LRRC4C: variants seen among roughly 807,000 people sequenced by gnomAD.
The protein encoded by LRRC4C is leucine rich repeat containing 4C.
Under a neutral mutation model 33.6 loss-of-function variants are expected in LRRC4C, and 5 were observed. The ratio of observed to expected loss-of-function variants is 0.15; its 90% confidence interval spans 0.08 to 0.31. LRRC4C has a LOEUF of 0.31. Among genes scored for constraint, LRRC4C ranks in the 10% least tolerant of loss-of-function variants. The pLI, the probability that LRRC4C is intolerant of heterozygous loss-of-function variation, is 1.00. For synonymous variants in LRRC4C, 329 were observed against 302.0 expected, an observed-to-expected ratio of 1.09 and a Z score of -0.93; for missense variants, 560 against 796.7, an observed-to-expected ratio of 0.70 and a Z score of 3.58.
intron 3 of LRRC4C, among the ~76,000 whole-genome samples, chr11:40,508,148 A>C (rs1590951164): frequency 6.6e-6 from 1 of 152,238 alleles, no homozygotes; most frequent in South Asian, 2.1e-4. Flanking sequence ...CAATATAATT[A>C]TAAGTATAGA....
At chr11:40,606,464 A>C (rs1046599719) in intron 3 of LRRC4C, among the ~76,000 whole-genome samples, 1 of 152,096 alleles carries the variant, frequency 6.6e-6, no homozygotes, top group African/African-American at 2.4e-5. Context: ...ACACTAGGAG[A>C]GATTTTTTTT....
chr11:40,478,965 T>A (rs1953397583), intron 3 of LRRC4C, among the ~76,000 whole-genome samples: 1 of 152,188 alleles, frequency 6.6e-6, no homozygotes, highest in Admixed American at 6.6e-5. Flanking sequence ...AACTATTAAC[T>A]TTTAAAACAC....
At chr11:40,180,371 A>C (rs760964675) in intron 5 of LRRC4C, among the ~76,000 whole-genome samples, 4 of 152,214 alleles carry the variant, frequency 2.6e-5, no homozygotes, top group Non-Finnish European at 5.9e-5. Flanking sequence ...TTATACCTTT[A>C]GTTTAGAAGC....
chr11:40,206,036 A>G (rs1022285537), intron 5 of LRRC4C, among the ~76,000 whole-genome samples: 2 of 152,164 alleles, frequency 1.3e-5, no homozygotes, highest in African/African-American at 2.4e-5. Context: ...AGAACTATGT[A>G]CTGACAGTAC....
chr11:40,258,421 T>C (rs1369451390), intron 4 of LRRC4C, among the ~76,000 whole-genome samples: 1 of 152,310 alleles, frequency 6.6e-6, no homozygotes, highest in African/African-American at 2.4e-5. Context: ...TCTAATTCTA[T>C]GTATATTGCA....
intron 1 of LRRC4C, among the ~76,000 whole-genome samples, chr11:41,044,138 A>T (rs984688718): frequency 7.9e-5 from 12 of 152,120 alleles, no homozygotes; most frequent in African/African-American, 2.9e-4. Context: ...TCCCAGGAAA[A>T]TCTGAGCTGA....
chr11:40,161,743 C>T (rs1008566322), intron 5 of LRRC4C, among the ~76,000 whole-genome samples: 3 of 151,976 alleles, frequency 2.0e-5, no homozygotes, highest in African/African-American at 4.8e-5. Context: ...GGCAACAGAG[C>T]GAGACTCCTT....
At chr11:40,316,032 A>G (rs576081732) in intron 4 of LRRC4C, among the ~76,000 whole-genome samples, 1 of 152,086 alleles carries the variant, frequency 6.6e-6, no homozygotes, top group Non-Finnish European at 1.5e-5. Flanking sequence ...TATGAATTAG[A>G]TCTAATAACT....
Position 40,945,027 on chromosome 11 carries a change from T to TC in LRRC4C, c.-495-11305_-495-11304insG, listed in dbSNP as rs1423406724. On this transcript the variant is annotated intron_variant, in intron 1 of 6. Transcript: ENST00000528697. Reference sequence around the variant, plus strand: ...GTGTTCAACTTTGCAGTTTTTCTTTTTTTTTTTTTTTTTTTTTTGAGACGG... The same window carrying TC: ...GTGTTCAACTTTGCAGTTTTTCTTTTCTTTTTTTTTTTTTTTTTTGAGACGG... Among the ~76,000 whole-genome samples the TC allele has an allele frequency of 9.2e-4, 133 of 144,478 alleles. 1 individual carries two copies. The highest frequency in any genetic ancestry group is 3.4e-3 in the African/African-American group (130 of 38,690). 94.8% of individuals were successfully genotyped at this position (144,478 alleles called of 152,430 possible).
chr11:40,971,000 A>C (rs1014515388), intron 1 of LRRC4C, among the ~76,000 whole-genome samples: 1 of 152,212 alleles, frequency 6.6e-6, no homozygotes, highest in African/African-American at 2.4e-5. Context: ...GTGTGAGCAA[A>C]GAAATGACCT....
chr11:40,163,670 A>G (rs1304279977), intron 5 of LRRC4C, among the ~76,000 whole-genome samples: 1 of 152,166 alleles, frequency 6.6e-6, no homozygotes, highest in Non-Finnish European at 1.5e-5. Context: ...TAATAACATA[A>G]TAGCAAGTAT....
At position 40,961,923 on chromosome 11, in the gene LRRC4C, G is replaced by A. The variant is rs544778152; in HGVS notation, c.-495-28200C>T. Among the ~76,000 whole-genome samples, 3 of 151,604 alleles carry A rather than the reference G, an allele frequency of 2.0e-5. No homozygotes were observed. In the East Asian group the frequency reaches 5.9e-4, roughly 30 times the overall value. On this transcript the variant is annotated intron_variant, in intron 1 of 6. Transcript: ENST00000528697. Reference sequence around the variant, plus strand: ...ATAGCCCATGGGCCAAATTTTGACAGTTTCCTCTTTTTGGAAATATATTTT... The same window carrying A: ...ATAGCCCATGGGCCAAATTTTGACAATTTCCTCTTTTTGGAAATATATTTT...
At chr11:40,966,445 A>T (rs1268992927) in intron 1 of LRRC4C, among the ~76,000 whole-genome samples, 1 of 151,966 alleles carries the variant, frequency 6.6e-6, no homozygotes, top group Non-Finnish European at 1.5e-5. Flanking sequence ...CCTATCTTTT[A>T]TATGACAGGA....
chr11:41,006,080 T>C (rs2137453801), intron 1 of LRRC4C, among the ~76,000 whole-genome samples: 1 of 152,300 alleles, frequency 6.6e-6, no homozygotes, highest in African/African-American at 2.4e-5. Flanking sequence ...AAGAAGAATT[T>C]TCAACATATG....
At chr11:41,131,764 A>T (rs1468694464) in intron 1 of LRRC4C, among the ~76,000 whole-genome samples, 1 of 152,110 alleles carries the variant, frequency 6.6e-6, no homozygotes, top group Non-Finnish European at 1.5e-5. Context: ...CAAGACCAAG[A>T]TGGCAATAAA....
chr11:41,406,933 G>A (rs575497130), intron 1 of LRRC4C, among the ~76,000 whole-genome samples: 1 of 151,844 alleles, frequency 6.6e-6, no homozygotes. Flanking sequence ...TAGTTTTTTG[G>A]TGGCATGTAA....
At chr11:40,217,489 T>G (rs2135887668) in intron 5 of LRRC4C, among the ~76,000 whole-genome samples, 1 of 152,222 alleles carries the variant, frequency 6.6e-6, no homozygotes, top group Non-Finnish European at 1.5e-5. Flanking sequence ...CACGTACTAC[T>G]TTTGTGTATA....
At chr11:40,842,859 A>G (rs901234918) in intron 2 of LRRC4C, among the ~76,000 whole-genome samples, 1 of 151,960 alleles carries the variant, frequency 6.6e-6, no homozygotes, top group Non-Finnish European at 1.5e-5. Flanking sequence ...TGATTCTACA[A>G]CTCTGTGGTG....
At chr11:40,542,591 T>C (rs1956765670) in intron 3 of LRRC4C, among the ~76,000 whole-genome samples, 1 of 152,154 alleles carries the variant, frequency 6.6e-6, no homozygotes, top group Admixed American at 6.5e-5. Context: ...ATTTCCTGGC[T>C]TGGGAGTTTC....
Sources: allele counts gnomAD v4.1 joint callset (sites outside exome capture counted in the v4.1 genomes callset), GRCh38; gene constraint gnomAD v4.1.1; transcripts MANE v1.5; gene names NCBI Gene and HGNC (gene_info 2026-07-23, HGNC 2026-07-21).